The following L3MBTL4 variants were observed in gnomAD, a reference collection of about 807,000 sequenced individuals.
L3MBTL4 encodes lethal(3)malignant brain tumor-like protein 4.
Under a neutral mutation model 84.5 loss-of-function variants are expected in L3MBTL4, and 70 were observed. The ratio of observed to expected loss-of-function variants is 0.83; its 90% CI spans 0.68 to 1.01. The LOEUF is 1.01. L3MBTL4 is among the 50% of genes least tolerant of loss of function. The pLI is 0.00. For missense variants in L3MBTL4, 715 were observed against 754.8 expected, an observed-to-expected ratio of 0.95 and a Z score of 0.62; for synonymous variants, 274 against 259.8, an observed-to-expected ratio of 1.05 and a Z score of -0.52.
intron 16 of L3MBTL4, among the ~76,000 whole-genome samples, chr18:6,061,535 G>A (rs1037651889): frequency 6.0e-5 from 9 of 150,736 alleles, no homozygotes; most frequent in Non-Finnish European, 8.9e-5. Flanking sequence ...TTGTGCTTTC[G>A]GTGTTTATTC....
At chr18:6,264,281 T>C (rs1437279732) in intron 4 of L3MBTL4, among the ~76,000 whole-genome samples, 1 of 152,140 alleles carries the variant, frequency 6.6e-6, no homozygotes, top group Admixed American at 6.5e-5. Context: ...CTCTAGAAAA[T>C]GCCTAGTGAA....
chr18:6,090,790 AT>A lies in L3MBTL4; in HGVS notation c.1373+2564del, dbSNP rs71370543. Among the ~76,000 whole-genome samples, 741 of 129,696 alleles carry A rather than the reference AT, an allele frequency of 5.7e-3. 3 individuals carry two copies. The highest frequency in any genetic ancestry group is 6.5e-3 in the Admixed American group (84 of 12,852). 85.1% of individuals were successfully genotyped at this position (129,696 alleles called of 152,430 possible). A position where few individuals can be genotyped will look rare whatever the true frequency, so the allele number is the denominator to read the frequency against. The stretch of plus-strand genomic sequence containing the variant: ...CAGGCACATGCCACCACACCCACCT[AT>A]TTTTTTTTTTTTTTTGTATTTTTTG... On this transcript the variant is annotated intron_variant, in intron 15 of 18. Transcript: ENST00000317931.
intron 1 of L3MBTL4, among the ~76,000 whole-genome samples, chr18:6,333,916 G>A (rs550727615): frequency 8.5e-5 from 13 of 152,132 alleles, no homozygotes; most frequent in Admixed American, 6.5e-5. Context: ...ACATATATCT[G>A]TACTATCTGT....
At chr18:6,175,356 G>C (rs947644669) in intron 12 of L3MBTL4, among the ~76,000 whole-genome samples, 3 of 151,884 alleles carry the variant, frequency 2.0e-5, no homozygotes, top group Non-Finnish European at 4.4e-5. Flanking sequence ...CTTCAAAAAA[G>C]ACTAAAACAG....
chr18:5,965,623 A>G (rs1006748639), intron 17 of L3MBTL4, among the ~76,000 whole-genome samples: 1 of 152,112 alleles, frequency 6.6e-6, no homozygotes, highest in Non-Finnish European at 1.5e-5. Flanking sequence ...GTGGGTAGGT[A>G]CTCACTGGGG....
At chr18:6,254,412 CT>C (rs763440464) in intron 5 of L3MBTL4, among the ~76,000 whole-genome samples, 4,405 of 112,740 alleles carry the variant, frequency 0.039, 87 homozygotes, top group African/African-American at 0.12. Flanking sequence ...AAAGTGACAC[CT>C]TTTTTTTTTT....
intron 1 of L3MBTL4, among the ~76,000 whole-genome samples, chr18:6,408,431 T>C (rs1032053440): frequency 3.3e-5 from 5 of 152,220 alleles, no homozygotes; most frequent in Non-Finnish European, 5.9e-5. Context: ...ACAGATTCTG[T>C]TTCTCTTAGC....
chr18:6,074,951 A>G (rs776540594), intron 16 of L3MBTL4, among the ~76,000 whole-genome samples: 2 of 152,246 alleles, frequency 1.3e-5, no homozygotes, highest in Non-Finnish European at 2.9e-5. Flanking sequence ...AAAATTCAGG[A>G]ACATATATAA....
intron 4 of L3MBTL4, among the ~76,000 whole-genome samples, chr18:6,271,045 G>A (rs959420552): frequency 1.3e-5 from 2 of 152,176 alleles, no homozygotes; most frequent in Admixed American, 1.3e-4. Context: ...CAGAGCCCGC[G>A]GGGCATGAGG....
intron 1 of L3MBTL4, among the ~76,000 whole-genome samples, chr18:6,342,883 A>G (rs1184589553): frequency 6.6e-6 from 1 of 151,540 alleles, no homozygotes; most frequent in African/African-American, 2.4e-5. Flanking sequence ...GTAAAAGGAC[A>G]GAAAAAAAAA....
chr18:6,409,435 A>C lies in L3MBTL4; in HGVS notation c.-91+5366T>G, dbSNP rs9954645. 2.9e-3 allele frequency among the ~76,000 whole-genome samples: 441 copies of C among 152,340 alleles called. 3 individuals are homozygous for C. The highest frequency in any genetic ancestry group is 9.9e-3 in the African/African-American group (413 of 41,580). ...ACCCTTCAGGAACTTGGAAGGTCCC[A>C]ATATCAGCATCAGTGTTGGGGCTCT... On this transcript the variant is annotated intron_variant, in intron 1 of 18. Transcript: ENST00000317931.
intron 1 of L3MBTL4, among the ~76,000 whole-genome samples, chr18:6,312,512 A>G (rs1313819981): frequency 6.6e-6 from 1 of 152,100 alleles, no homozygotes; most frequent in Non-Finnish European, 1.5e-5. Flanking sequence ...TTCCTCTTAC[A>G]GTTGTTCAGA....
At chr18:6,212,592 G>C (rs1207980605) in intron 12 of L3MBTL4, among the ~76,000 whole-genome samples, 1 of 152,154 alleles carries the variant, frequency 6.6e-6, no homozygotes, top group Non-Finnish European at 1.5e-5. Flanking sequence ...AGTGAATAAA[G>C]TGTTTTTAAT....
chr18:6,311,991 T>C lies in L3MBTL4; in HGVS notation c.-32+7A>G, dbSNP rs767696549. 1.4e-5 allele frequency: 3 copies of C among 213,938 alleles called. No homozygotes were observed. Among genetic ancestry groups the C allele is most frequent in the Non-Finnish European group, 1.9e-5 (2 of 105,556 alleles). The allele number at this position is 213,938 out of a possible 1,614,324, so 13.3% of individuals were successfully genotyped here. On this transcript the variant is annotated splice_region_variant and intron_variant, in intron 2 of 18. Coordinates refer to ENST00000317931, the MANE Select transcript of L3MBTL4 (RefSeq NM_001330559.2). The stretch of plus-strand genomic sequence containing the variant: ...CTGCAATCAGCCTGCACAGCTTCTG[T>C]ACTCACATGGTCTGACACGTATTCT...
chr18:6,144,967 A>G (rs1198577329), intron 13 of L3MBTL4, among the ~76,000 whole-genome samples: 1 of 152,234 alleles, frequency 6.6e-6, no homozygotes, highest in Admixed American at 6.5e-5. Context: ...GTGATCTGTC[A>G]TGCAAGAATG....
chr18:6,324,100 C>T (rs191602585), intron 1 of L3MBTL4, among the ~76,000 whole-genome samples: 1 of 152,342 alleles, frequency 6.6e-6, no homozygotes, highest in African/African-American at 2.4e-5. Flanking sequence ...GGGTACAGGC[C>T]ATAAGCCTTG....
At chr18:6,158,387 T>C (rs139162644) in intron 13 of L3MBTL4, among the ~76,000 whole-genome samples, 4 of 152,288 alleles carry the variant, frequency 2.6e-5, no homozygotes, top group African/African-American at 9.6e-5. Context: ...GAAAGAGCCA[T>C]CTGGTAGAAG....
At chr18:6,327,172 A>G (rs76261461) in intron 1 of L3MBTL4, among the ~76,000 whole-genome samples, 359 of 152,332 alleles carry the variant, frequency 2.4e-3, no homozygotes, top group Non-Finnish European at 4.2e-3. Context: ...CATCCTGCTG[A>G]GGAGGTGAAA....
At chr18:6,093,252 T>G in intron 15 of L3MBTL4, 103 bp downstream of exon 15, 1 of 921,918 alleles carries the variant, frequency 1.1e-6, no homozygotes, top group Non-Finnish European at 1.5e-6. Context: ...ATAAAAATAA[T>G]TCTTTTGAAG....
Sources: gnomAD v4.1 joint callset for allele counts (sites outside exome capture counted in the v4.1 genomes callset) on GRCh38, gnomAD v4.1.1 for gene constraint, MANE v1.5 for transcripts, NCBI Gene and HGNC (gene_info 2026-07-23, HGNC 2026-07-21) for gene names.